The following SHTN1 variants were observed in gnomAD, a reference collection of about 807,000 sequenced individuals.
SHTN1 encodes the protein shootin-1.
Under a neutral mutation model 83.1 loss-of-function variants are expected in SHTN1, and 42 were observed. The observed-to-expected ratio is 0.51, with a 90% CI of 0.39 to 0.65. The LOEUF (loss-of-function observed/expected upper bound fraction) is 0.65, where lower values mean the gene tolerates loss of function less well. Among genes scored for constraint, SHTN1 ranks in the 30% least tolerant of loss-of-function variants. The pLI, the probability that SHTN1 is intolerant of heterozygous loss-of-function variation, is 0.00. For synonymous variants in SHTN1, 224 were observed against 247.7 expected (o/e 0.90, Z 0.90); for missense variants, 622 against 737.8 (o/e 0.84, Z 1.82).
At chr10:117,108,344 T>C (rs1167157166) in intron 1 of SHTN1, among the ~76,000 whole-genome samples, 1 of 152,072 alleles carries the variant, frequency 6.6e-6, no homozygotes, top group African/African-American at 2.4e-5. Flanking sequence ...TAAGAAAATG[T>C]GGCACATATA....
chr10:116,972,910 A>T (rs1400845971), intron 2 of SHTN1, among the ~76,000 whole-genome samples: 1 of 152,200 alleles, frequency 6.6e-6, no homozygotes, highest in Non-Finnish European at 1.5e-5. Flanking sequence ...GAAAGCCCTT[A>T]ATATTAGAAG....
rs982346409 is a variant in SHTN1 at position 116,886,161 on chromosome 10, G to A, written c.*183C>T. The A allele has an allele frequency of 6.1e-6, 5 of 821,418 alleles. No individual in the cohort carries two copies. Among genetic ancestry groups the A allele is most frequent in the South Asian group, 6.1e-5 (3 of 49,384 alleles). 50.9% of individuals were successfully genotyped at this position (821,418 alleles called of 1,614,324 possible). A position where few individuals can be genotyped will look rare whatever the true frequency, so the allele number is the denominator to read the frequency against. On this transcript the variant is annotated 3_prime_UTR_variant, in exon 17 of 17. Coordinates refer to ENST00000355371, the MANE Select transcript of SHTN1 (RefSeq NM_001127211.3). Reference sequence around the variant, plus strand: ...AAAAACCAAAACCTACTAGGAATGTGTGTTTTGCTAAACAGCTTACTTATG... The same window carrying A: ...AAAAACCAAAACCTACTAGGAATGTATGTTTTGCTAAACAGCTTACTTATG...
chr10:117,093,095 A>G (rs1308267354), intron 1 of SHTN1, among the ~76,000 whole-genome samples: 2 of 152,332 alleles, frequency 1.3e-5, no homozygotes, highest in South Asian at 2.1e-4. Flanking sequence ...ATCTACTATC[A>G]TTAGTATTAC....
At chr10:116,900,090 TAAG>T (rs1847678491) in intron 16 of SHTN1, among the ~76,000 whole-genome samples, 1 of 152,218 alleles carries the variant, frequency 6.6e-6, no homozygotes, top group Non-Finnish European at 1.5e-5. Context: ...TAATTATACT[TAAG>T]AAACAGATTT....
At chr10:117,079,088 GGTTA>G (rs1208009493) in intron 1 of SHTN1, among the ~76,000 whole-genome samples, 3 of 151,628 alleles carry the variant, frequency 2.0e-5, no homozygotes, top group Admixed American at 6.6e-5. Flanking sequence ...ACATTGTGCA[GGTTA>G]GTTACATATG....
At chr10:117,076,536 G>GA (rs1853156699) in intron 1 of SHTN1, among the ~76,000 whole-genome samples, 1 of 151,432 alleles carries the variant, frequency 6.6e-6, no homozygotes, top group Non-Finnish European at 1.5e-5. Flanking sequence ...AACTCTGCCT[G>GA]AAAAATGTGC....
chr10:116,972,121 C>T (rs1850639101), intron 2 of SHTN1, among the ~76,000 whole-genome samples: 1 of 152,222 alleles, frequency 6.6e-6, no homozygotes, highest in Non-Finnish European at 1.5e-5. Context: ...AGATTAGTAA[C>T]AGGTCTCAAC....
chr10:116,884,172 G>T lies in SHTN1; in HGVS notation c.*2172C>A, dbSNP rs1847099838. 6 of 454,664 alleles carry T rather than the reference G, an allele frequency of 1.3e-5. No individual in the cohort carries two copies. The highest frequency in any genetic ancestry group is 1.2e-4 in the Admixed American group (5 of 42,462). The allele number at this position is 454,664 out of a possible 1,614,324, so 28.2% of individuals were successfully genotyped here. A position where few individuals can be genotyped will look rare whatever the true frequency, so the allele number is the denominator to read the frequency against. On this transcript the variant is annotated 3_prime_UTR_variant, in exon 17 of 17. Coordinates refer to ENST00000355371, the MANE Select transcript of SHTN1 (RefSeq NM_001127211.3). ...TGTAAGCAGGACGTATGTAAGTTTT[G>T]TGTGTGCAATAGCTATGAACATACC... is the stretch of plus-strand genomic sequence containing the variant.
intron 1 of SHTN1, among the ~76,000 whole-genome samples, chr10:117,098,482 T>C (rs1421086956): frequency 6.6e-6 from 1 of 151,554 alleles, no homozygotes; most frequent in East Asian, 1.9e-4. Flanking sequence ...AAGATGAAAT[T>C]ATTATATGTA....
At chr10:117,039,127 G>T (rs1182120739) in intron 2 of SHTN1, among the ~76,000 whole-genome samples, 1 of 152,124 alleles carries the variant, frequency 6.6e-6, no homozygotes, top group Non-Finnish European at 1.5e-5. Context: ...AATGAACTGT[G>T]GTACATCCAG....
intron 5 of SHTN1, among the ~76,000 whole-genome samples, chr10:116,953,623 G>GTTTTTTTTTTTTTTTTT (rs759706275): frequency 4.3e-5 from 4 of 92,720 alleles, no homozygotes; most frequent in Non-Finnish European, 7.8e-5. Flanking sequence ...TTTGTGTTTT[G>GTTTTTTTTTTTTTTTTT]TTTTTTTTTT....
rs913008132 is a variant in SHTN1 at position 116,886,367 on chromosome 10, C to T, written c.1873G>A (p.Glu625Lys). Residue 625 changes from glutamate to lysine, a missense_variant, in exon 17 of 17, where the codon GAG (glutamate) becomes AAG (lysine). Glu to Lys is a moderately conservative substitution (Grantham distance 56). Transcript: ENST00000355371. ...NKEDSIENVR[E>K]TDSSNC is the part of the protein sequence containing the mutation. Reference sequence around the variant, plus strand: ...GATCAGCAGTTGGAGCTGTCTGTCTCTCTCACGTTTTCAATGCTGTCTTCT... The same window carrying T: ...GATCAGCAGTTGGAGCTGTCTGTCTTTCTCACGTTTTCAATGCTGTCTTCT... 1.3e-6 allele frequency: 2 copies of T among 1,555,306 alleles called. No homozygotes were observed. The highest frequency in any genetic ancestry group is 2.7e-5 in the African/African-American group (2 of 73,246).
At chr10:116,889,821 C>T (rs2133300696) in intron 16 of SHTN1, among the ~76,000 whole-genome samples, 1 of 152,340 alleles carries the variant, frequency 6.6e-6, no homozygotes, top group East Asian at 1.9e-4. Flanking sequence ...TAAAGTCTAT[C>T]CCTTCAAGCT....
At chr10:116,989,069 TA>T (rs953247071) in intron 1 of SHTN1, among the ~76,000 whole-genome samples, 9 of 151,018 alleles carry the variant, frequency 6.0e-5, no homozygotes, top group East Asian at 1.9e-4. Flanking sequence ...TTATGTCAGT[TA>T]AAAAAAAACA....
chr10:116,889,928 T>G (rs1047321223), intron 16 of SHTN1, among the ~76,000 whole-genome samples: 10 of 152,124 alleles, frequency 6.6e-5, no homozygotes, highest in Non-Finnish European at 1.5e-4. Flanking sequence ...TGCCCAAGAC[T>G]CCTTCTGGAA....
In SHTN1 at chr10:116,954,132, C is replaced by T. The variant is rs1373094238; in HGVS notation, c.346G>A (p.Glu116Lys). ...GAATCTTCATCATCAATGTTTATCTCTTCAGTTATTACATCTGGTCCCAGC... is the reference window on the plus strand; with the variant it reads ...GAATCTTCATCATCAATGTTTATCTTTTCAGTTATTACATCTGGTCCCAGC... ...AKLGPDVITEEINIDDEDSTT... is the reference protein window; with the variant it reads ...AKLGPDVITEKINIDDEDSTT... The change falls in exon 5 of 17, where the codon GAG becomes AAG. Residue 116 changes from glutamate (E) to lysine (K), a missense_variant. By Grantham distance (56) the Glu-to-Lys change is moderately conservative. Around this residue, in one of 3 missense-constraint regions of SHTN1, gnomAD observed 383 missense variants for 455.8 expected, o/e 0.84. Coordinates refer to ENST00000355371, the MANE Select transcript of SHTN1 (RefSeq NM_001127211.3). 1 of 1,613,804 alleles carries T rather than the reference C, an allele frequency of 6.2e-7. No homozygotes were observed. The highest frequency in any genetic ancestry group is 8.5e-7 in the Non-Finnish European group (1 of 1,179,788).
chr10:116,931,801 A>G (rs1391367040), intron 9 of SHTN1, among the ~76,000 whole-genome samples: 1 of 152,224 alleles, frequency 6.6e-6, no homozygotes, highest in African/African-American at 2.4e-5. Context: ...AAGTTCAGCT[A>G]TGCACCAAAA....
At chr10:117,039,450 C>A (rs1043313148) in intron 2 of SHTN1, among the ~76,000 whole-genome samples, 1 of 152,136 alleles carries the variant, frequency 6.6e-6, no homozygotes, top group Non-Finnish European at 1.5e-5. Context: ...TCTACAACAT[C>A]TATAGTGAAC....
intron 7 of SHTN1, among the ~76,000 whole-genome samples, chr10:116,945,274 A>G (rs1283521098): frequency 6.6e-6 from 1 of 152,224 alleles, no homozygotes; most frequent in African/African-American, 2.4e-5. Flanking sequence ...ACACATGAGC[A>G]TATACAGACA....
Sources: allele counts gnomAD v4.1 joint callset (sites outside exome capture counted in the v4.1 genomes callset), GRCh38; gene constraint gnomAD v4.1.1; regional missense constraint gnomAD v4.1.1; transcripts MANE v1.5; gene names NCBI Gene and HGNC (gene_info 2026-07-23, HGNC 2026-07-21).